Variants in ADAMTS2 observed in about 807,000 individuals in gnomAD.
ADAMTS2 encodes ADAM metallopeptidase with thrombospondin type 1 motif 2, also known as A disintegrin and metalloproteinase with thrombospondin motifs 2.
In ADAMTS2, 50 loss-of-function variants were observed where a neutral mutation model predicts 123.0. That is an observed-to-expected ratio of 0.41 (90% CI 0.32 to 0.51). The LOEUF is 0.51. Ranked by LOEUF, ADAMTS2 falls within the 20% of genes least tolerant of loss-of-function variation. The pLI, the probability that ADAMTS2 is intolerant of heterozygous loss-of-function variation, is 0.35. For synonymous variants in ADAMTS2, 678 were observed against 695.4 expected (o/e 0.98, Z 0.39); for missense variants, 1,494 against 1,705.2 (o/e 0.88, Z 2.18).
rs1683633 is a variant in ADAMTS2 at position 179,314,116 on chromosome 5, A to C, written c.534+29651T>G. ...TGCCTATGCCCAGACCTCCAGCTTCAGGCTCTGCATCCACACGGAGGCTTC... is the reference window on the plus strand; with the variant it reads ...TGCCTATGCCCAGACCTCCAGCTTCCGGCTCTGCATCCACACGGAGGCTTC... On this transcript the variant is annotated intron_variant, in intron 2 of 21. Transcript: ENST00000251582. The surrounding 1 kb of genome is among the most constrained non-coding windows in gnomAD (Gnocchi z 4.5). 6.7e-6 allele frequency among the ~76,000 whole-genome samples: 1 copy of C among 149,760 alleles called. No homozygotes were observed. Among genetic ancestry groups the C allele is most frequent in the African/African-American group, 2.4e-5 (1 of 41,210 alleles).
chr5:179,153,739 GC>G (rs1282012135), intron 8 of ADAMTS2, 116 bp from the exon 9 acceptor site: 1 of 1,413,182 alleles, frequency 7.1e-7, no homozygotes, highest in Non-Finnish European at 9.5e-7. Flanking sequence ...GCACATCCCG[GC>G]CCCTGGCTGT....
intron 3 of ADAMTS2, among the ~76,000 whole-genome samples, chr5:179,221,393 T>C (rs1765122087): frequency 6.6e-6 from 1 of 152,168 alleles, no homozygotes; most frequent in Non-Finnish European, 1.5e-5. Context: ...ACCAGGGCCC[T>C]GGCCCAGCTG....
intron 5 of ADAMTS2, among the ~76,000 whole-genome samples, chr5:179,161,934 G>A (rs1361722030): frequency 6.6e-6 from 1 of 152,154 alleles, no homozygotes; most frequent in African/African-American, 2.4e-5. Context: ...CAGCACAAAG[G>A]TCACTAATAA....
chr5:179,130,003 C>T lies in ADAMTS2; in HGVS notation c.2386G>A (p.Glu796Lys), dbSNP rs1281258544. The T allele has an allele frequency of 6.2e-7, 1 of 1,614,152 alleles. No homozygotes were observed. Among genetic ancestry groups the T allele is most frequent in the Non-Finnish European group, 8.5e-7 (1 of 1,180,040 alleles). Residue 796 changes from glutamate to lysine, a missense_variant, in exon 16 of 22, where the codon GAG becomes AAG. Glu to Lys is a moderately conservative substitution (Grantham distance 56). Around this residue, in one of 6 missense-constraint regions of ADAMTS2, gnomAD observed 953 missense variants for 1,124.7 expected, o/e 0.85. Coordinates refer to ENST00000251582, the MANE Select transcript of ADAMTS2 (RefSeq NM_014244.5). The surrounding 1 kb of genome is among the most constrained non-coding windows in gnomAD (Gnocchi z 4.3). ...TCCCGGCCGTCCTCGTCTCTGTACT[C>T]CCACTCCACGCCCATGGCAATGAAG... ...KTFIAMGVEW[E>K]YRDEDGRETL...
chr5:179,288,537 G>A (rs985819203), intron 2 of ADAMTS2, among the ~76,000 whole-genome samples: 1 of 152,254 alleles, frequency 6.6e-6, no homozygotes, highest in Non-Finnish European at 1.5e-5. Context: ...GGTGGCTCCG[G>A]GGGAGGGGCG....
chr5:179,173,687 G>T (rs1483208226), intron 5 of ADAMTS2, among the ~76,000 whole-genome samples: 1 of 152,176 alleles, frequency 6.6e-6, no homozygotes, highest in African/African-American at 2.4e-5. Context: ...AATGTCTGGG[G>T]TCACAGAAAT....
chr5:179,206,917 C>T (rs1764711084), intron 4 of ADAMTS2, among the ~76,000 whole-genome samples: 1 of 152,116 alleles, frequency 6.6e-6, no homozygotes, highest in Non-Finnish European at 1.5e-5. Flanking sequence ...CTTTCAATAG[C>T]CCAGACTCAC....
At chr5:179,255,605 T>A (rs1376118065) in intron 3 of ADAMTS2, among the ~76,000 whole-genome samples, 4 of 152,082 alleles carry the variant, frequency 2.6e-5, no homozygotes, top group African/African-American at 9.7e-5. Context: ...TCACTTTCTG[T>A]CCCATCTCCC....
intron 5 of ADAMTS2, among the ~76,000 whole-genome samples, chr5:179,161,313 G>C (rs1377422349): frequency 6.6e-6 from 1 of 152,162 alleles, no homozygotes; most frequent in Admixed American, 6.5e-5. Flanking sequence ...AGAAGGAAGG[G>C]AAACTCGGGG....
In ADAMTS2 at chr5:179,308,548, C is replaced by T. The variant is rs1756738643; in HGVS notation, c.534+35219G>A. Among the ~76,000 whole-genome samples, 1 of 152,180 alleles carries T rather than the reference C, an allele frequency of 6.6e-6. No individual in the cohort carries two copies. The highest frequency in any genetic ancestry group is 1.5e-5 in the Non-Finnish European group (1 of 68,008). On this transcript the variant is annotated intron_variant, in intron 2 of 21. Coordinates refer to ENST00000251582, the MANE Select transcript of ADAMTS2 (RefSeq NM_014244.5). The surrounding 1 kb of genome is among the most constrained non-coding windows in gnomAD (Gnocchi z 6.6). Reference sequence around the variant, plus strand: ...CATGCCTGCAGGCCCCCATAATAGACAGCCTCATTTTTTTTTTCTAGGCAA... The same window carrying T: ...CATGCCTGCAGGCCCCCATAATAGATAGCCTCATTTTTTTTTTCTAGGCAA...
rs1381391194 is a variant in ADAMTS2 at position 179,299,301 on chromosome 5, G to A, written c.535-26237C>T. 2.9e-4 allele frequency among the ~76,000 whole-genome samples: 37 copies of A among 125,700 alleles called. 1 individual carries two copies. Among genetic ancestry groups the A allele is most frequent in the African/African-American group, 6.1e-4 (20 of 32,994 alleles). The allele number at this position is 125,700 out of a possible 152,430, so 82.5% of individuals were successfully genotyped here. Reference sequence around the variant, plus strand: ...TCCCAGCACTTTGGGAGGCTGAGGCGGGCGGATCACGAGGTCAGGAGATGG... The same window carrying A: ...TCCCAGCACTTTGGGAGGCTGAGGCAGGCGGATCACGAGGTCAGGAGATGG... On this transcript the variant is annotated intron_variant, in intron 2 of 21. Transcript: ENST00000251582.
intron 13 of ADAMTS2, among the ~76,000 whole-genome samples, chr5:179,134,399 C>T (rs1283278051): frequency 6.6e-6 from 1 of 152,104 alleles, no homozygotes; most frequent in African/African-American, 2.4e-5. Flanking sequence ...ATTCTTGCAC[C>T]CTAACTCATC....
chr5:179,196,517 G>C (rs751546), intron 4 of ADAMTS2, among the ~76,000 whole-genome samples: 24,669 of 152,192 alleles, frequency 0.16, 3,605 homozygotes, highest in East Asian at 0.39. Flanking sequence ...GCGGTTAAGA[G>C]CAGTTCATTC....
intron 2 of ADAMTS2, among the ~76,000 whole-genome samples, chr5:179,304,519 C>A (rs191777679): frequency 2.0e-5 from 3 of 152,204 alleles, no homozygotes; most frequent in Non-Finnish European, 4.4e-5. Flanking sequence ...TAAAAAGGAC[C>A]AAACGGAAAT....
intron 3 of ADAMTS2, among the ~76,000 whole-genome samples, chr5:179,230,330 G>A (rs1765379548): frequency 6.6e-6 from 1 of 152,168 alleles, no homozygotes; most frequent in African/African-American, 2.4e-5. Flanking sequence ...CTTCCTGAGT[G>A]CCTACCTGGC....
At chr5:179,198,584 AG>A (rs932839601) in intron 4 of ADAMTS2, among the ~76,000 whole-genome samples, 1 of 152,236 alleles carries the variant, frequency 6.6e-6, no homozygotes, top group Non-Finnish European at 1.5e-5. Flanking sequence ...CTGTGATCCC[AG>A]CACTTTGGGA....
intron 4 of ADAMTS2, among the ~76,000 whole-genome samples, chr5:179,187,586 GCCTCC>G (rs1224996894): frequency 6.6e-6 from 1 of 152,032 alleles, no homozygotes; most frequent in Non-Finnish European, 1.5e-5. Flanking sequence ...CCAGCTAAGG[GCCTCC>G]CCTCCCCTCC....
chr5:179,192,067 C>G (rs1268431369), intron 4 of ADAMTS2, among the ~76,000 whole-genome samples: 1 of 152,128 alleles, frequency 6.6e-6, no homozygotes, highest in African/African-American at 2.4e-5. Flanking sequence ...CTGAGGAGGA[C>G]TCAGGCCAGC....
rs1314425720 is a variant in ADAMTS2 at position 179,310,536 on chromosome 5, CCACCCACCGGTGCTAGAA to C, written c.534+33213_534+33230del. Among the ~76,000 whole-genome samples, 21 of 152,254 alleles carry C rather than the reference CCACCCACCGGTGCTAGAA, an allele frequency of 1.4e-4. 1 individual carries two copies. The South Asian group carries it at 2.3e-3, about 17-fold the overall frequency. ...GAAGAATCTGATTGGCGTCTCTGGG[CCACCCACCGGTGCTAGAA>C]TCCCGGCTGGGGTGAGGGATGGTGG... On this transcript the variant is annotated intron_variant, in intron 2 of 21. Transcript: ENST00000251582.
Sources: allele counts gnomAD v4.1 joint callset (sites outside exome capture counted in the v4.1 genomes callset), GRCh38; gene constraint gnomAD v4.1.1; regional missense constraint gnomAD v4.1.1; non-coding constraint Gnocchi (gnomAD v3.1); transcripts MANE v1.5; gene names NCBI Gene and HGNC (gene_info 2026-07-23, HGNC 2026-07-21).